Variants in BRSK2 observed in about 807,000 individuals in gnomAD.
BRSK2 encodes BR serine/threonine kinase 2.
Under a neutral mutation model 83.3 loss-of-function variants are expected in BRSK2, and 19 were observed. The observed-to-expected ratio is 0.23, with a 90% CI of 0.16 to 0.33. The LOEUF is 0.33. Among genes scored for constraint, BRSK2 ranks in the 10% least tolerant of loss-of-function variants. The probability of loss-of-function intolerance (pLI) is 1.00; values close to 1 mark genes in which losing one functional copy is unlikely to be tolerated. For synonymous variants in BRSK2, 519 were observed against 435.4 expected (o/e 1.19, Z -2.39); for missense variants, 798 against 1,042.3 (o/e 0.77, Z 3.23).
chr11:1,441,046 C>T, intron 4 of BRSK2, 118 bp downstream of exon 4: 1 of 843,882 alleles, frequency 1.2e-6, no homozygotes, highest in Non-Finnish European at 1.8e-6. Context: ...CCGAGGTACA[C>T]CATGCCCCCC....
chr11:1,428,966 TGGC>T (rs1849578358), intron 1 of BRSK2, among the ~76,000 whole-genome samples: 1 of 144,630 alleles, frequency 6.9e-6, no homozygotes, highest in African/African-American at 2.6e-5. Flanking sequence ...TGTGTGCCCT[TGGC>T]GTGTGGGCGT....
chr11:1,455,223 C>T (rs79779269), intron 16 of BRSK2, among the ~76,000 whole-genome samples: 3 of 152,210 alleles, frequency 2.0e-5, no homozygotes, highest in East Asian at 3.9e-4. Flanking sequence ...GACTCCAGCA[C>T]CCAGTCCCAT....
At chr11:1,417,477 C>G (rs989088956) in intron 1 of BRSK2, among the ~76,000 whole-genome samples, 2 of 152,258 alleles carry the variant, frequency 1.3e-5, no homozygotes, top group African/African-American at 4.8e-5. Flanking sequence ...GCATTTAGAT[C>G]ACCTGTGTCC....
rs368640335 is a variant in BRSK2, at chr11:1,416,549, C to T, written c.92-19491C>T. 5.9e-5 allele frequency among the ~76,000 whole-genome samples: 9 copies of T among 152,262 alleles called. No homozygotes were observed. The East Asian group carries it at 1.4e-3, about 23-fold the overall frequency. ...CCCCCGGCTTTCATTTAACTACCGG[C>T]GGTTGTATTTAGCCTCAGTTTTGGA... On this transcript the variant is annotated intron_variant, in intron 1 of 19. Transcript: ENST00000528841.
At chr11:1,460,474 T>TGTCTC in intron 19 of BRSK2, 26 bp from the exon 20 acceptor site, 1 of 1,303,932 alleles carries the variant, frequency 7.7e-7, no homozygotes, top group Non-Finnish European at 9.8e-7. Context: ...TTTTTTTTTT[T>TGTCTC]TTTTGTCTCT....
intron 19 of BRSK2, 148 bp downstream of exon 19, chr11:1,459,387 T>A (rs1356994438): frequency 3.4e-6 from 3 of 875,452 alleles, no homozygotes; most frequent in Non-Finnish European, 5.6e-6. Context: ...CCCGGCCCCA[T>A]CCTCTACCAG....
At chr11:1,411,719 C>A in intron 1 of BRSK2, 1 of 1,515,282 alleles carries the variant, frequency 6.6e-7, no homozygotes, top group South Asian at 1.2e-5. Flanking sequence ...ACGGCAGGGA[C>A]GGGGGACCTC....
At chr11:1,411,689 G>A (rs954661028) in intron 1 of BRSK2, 6 of 1,532,166 alleles carry the variant, frequency 3.9e-6, no homozygotes, top group Admixed American at 2.0e-5. Flanking sequence ...GTGTGTTCAT[G>A]TGTGAGGGAT....
At chr11:1,447,874 C>T (rs549961213) in intron 12 of BRSK2, 35 of 1,592,200 alleles carry the variant, frequency 2.2e-5, no homozygotes, top group African/African-American at 2.7e-5. Context: ...GTATACACCC[C>T]GACCACCCGT....
chr11:1,437,824 A>G (rs1365819902), intron 2 of BRSK2, among the ~76,000 whole-genome samples: 2 of 152,104 alleles, frequency 1.3e-5, no homozygotes, highest in Non-Finnish European at 2.9e-5. Context: ...TCCAGGCCCC[A>G]TTCCTGAGGC....
In BRSK2 at chr11:1,423,011, C is replaced by G. The variant is rs146727664; in HGVS notation, c.92-13029C>G. Among the ~76,000 whole-genome samples, 1 of 152,148 alleles carries G rather than the reference C, an allele frequency of 6.6e-6. No homozygotes were observed. The highest frequency in any genetic ancestry group is 2.1e-4 in the South Asian group (1 of 4,828). On this transcript the variant is annotated intron_variant, in intron 1 of 19. Transcript: ENST00000528841. This position sits in a 1 kb window ranked among gnomAD's most constrained non-coding sequence, Gnocchi z 6.5. ...TCCTGGGAAAGGGAACAGAGCTTTGCGAAGATCAAGGGGAGGGCAATGCAG... is the reference window on the plus strand; with the variant it reads ...TCCTGGGAAAGGGAACAGAGCTTTGGGAAGATCAAGGGGAGGGCAATGCAG...
intron 1 of BRSK2, among the ~76,000 whole-genome samples, chr11:1,429,345 C>G (rs1849680257): frequency 7.5e-6 from 1 of 132,758 alleles, no homozygotes; most frequent in African/African-American, 3.1e-5. Flanking sequence ...GTCCTGGGTG[C>G]ATGTGCACTC....
chr11:1,424,838 G>A lies in BRSK2; in HGVS notation c.92-11202G>A, dbSNP rs545391835. Among the ~76,000 whole-genome samples the A allele has an allele frequency of 2.3e-4, 35 of 152,202 alleles. 1 individual carries two copies. Among genetic ancestry groups the A allele is most frequent in the Admixed American group, 9.8e-4 (15 of 15,302 alleles). ...ACCTACTGGCGGGGGGGCAGGTTGC[G>A]GGGGTGGAGCAGGACCCCCTGGCCT... On this transcript the variant is annotated intron_variant, in intron 1 of 19. Coordinates refer to ENST00000528841, the MANE Select transcript of BRSK2 (RefSeq NM_001256627.2).
rs374422146 is a variant in BRSK2, at chr11:1,438,254, G to A, written c.187-52G>A. The A allele has an allele frequency of 7.0e-6, 11 of 1,561,418 alleles. No homozygotes were observed. The highest frequency in any genetic ancestry group is 2.3e-5 in the East Asian group (1 of 44,398). Reference sequence around the variant, plus strand: ...ACCAAAGGCAGTGTCTGTGGGGAGCGATGCGTGCCCCAGCCCTGTGAGCGT... The same window carrying A: ...ACCAAAGGCAGTGTCTGTGGGGAGCAATGCGTGCCCCAGCCCTGTGAGCGT... On this transcript the variant is annotated intron_variant, in intron 2 of 19. Transcript: ENST00000528841. The surrounding 1 kb of genome is among the most constrained non-coding windows in gnomAD (Gnocchi z 6.4).
chr11:1,396,994 C>T (rs1420622696), intron 1 of BRSK2, among the ~76,000 whole-genome samples: 7 of 152,232 alleles, frequency 4.6e-5, no homozygotes, highest in African/African-American at 1.2e-4. Flanking sequence ...AACACCGTAC[C>T]GCGCAGGAGG....
chr11:1,456,791 C>T (rs879442716), intron 18 of BRSK2, 104 bp downstream of exon 18: 10 of 1,347,270 alleles, frequency 7.4e-6, no homozygotes, highest in Non-Finnish European at 5.1e-6. Context: ...AGCCTCCTGG[C>T]CCCTCTTGAC....
In BRSK2 at chr11:1,460,737, C is replaced by G. The variant is rs1353144115; in HGVS notation, c.*14C>G. On this transcript the variant is annotated 3_prime_UTR_variant, in exon 20 of 20. Coordinates refer to ENST00000528841, the MANE Select transcript of BRSK2 (RefSeq NM_001256627.2). ...GAGCAGCCTTAGACACACTAGCCCC[C>G]CCCCCCAGCACAGCACTGACAGCGG... 1.2e-5 allele frequency: 17 copies of G among 1,411,998 alleles called. No homozygotes were observed. Among genetic ancestry groups the G allele is most frequent in the South Asian group, 5.7e-5 (4 of 70,000 alleles). 87.5% of individuals were successfully genotyped at this position (1,411,998 alleles called of 1,614,324 possible).
chr11:1,390,475 C>A lies in BRSK2; in HGVS notation c.91+100C>A. ...GAGGCCCCGGCCGCGAAGCCGCAGG[C>A]CCGGCCCGGGCCCCGGCCGCGAACA... On this transcript the variant is annotated intron_variant, in intron 1 of 19. Transcript: ENST00000528841. This position sits in a 1 kb window ranked among gnomAD's most constrained non-coding sequence, Gnocchi z 6.8. 1.6e-6 allele frequency: 1 copy of A among 610,758 alleles called. No individual in the cohort carries two copies. The highest frequency in any genetic ancestry group is 2.0e-6 in the Non-Finnish European group (1 of 488,924). The allele number at this position is 610,758 out of a possible 1,614,324, so 37.8% of individuals were successfully genotyped here. A position where few individuals can be genotyped will look rare whatever the true frequency, so the allele number is the denominator to read the frequency against.
chr11:1,459,142 G>A (rs1847057157), intron 18 of BRSK2, 50 bp from the exon 19 acceptor site: 1 of 1,585,262 alleles, frequency 6.3e-7, no homozygotes, highest in Non-Finnish European at 8.6e-7. Context: ...AGAAGGCCCA[G>A]GACAGCCTTT....
Sources: allele counts gnomAD v4.1 joint callset (sites outside exome capture counted in the v4.1 genomes callset), GRCh38; gene constraint gnomAD v4.1.1; non-coding constraint Gnocchi (gnomAD v3.1); transcripts MANE v1.5; gene names NCBI Gene and HGNC (gene_info 2026-07-23, HGNC 2026-07-21).